EZH2: variants seen among roughly 807,000 people sequenced by gnomAD.
The protein encoded by EZH2 is enhancer of zeste 2 polycomb repressive complex 2 subunit, also known as histone-lysine N-methyltransferase EZH2.
A neutral mutation model predicts 98.4 loss-of-function variants in EZH2; 18 were observed. The ratio of observed to expected loss-of-function variants is 0.18; its 90% CI spans 0.13 to 0.27. EZH2 has a LOEUF of 0.27. EZH2 is among the 10% of genes least tolerant of loss of function. EZH2 has a pLI of 1.00. For missense variants in EZH2, 470 were observed against 935.1 expected, an observed-to-expected ratio of 0.50 and a Z score of 6.49; for synonymous variants, 338 against 312.3, an observed-to-expected ratio of 1.08 and a Z score of -0.87.
chr7:148,810,982 C>T (rs1180562762), intron 16 of EZH2, among the ~76,000 whole-genome samples: 1 of 150,722 alleles, frequency 6.6e-6, no homozygotes, highest in Non-Finnish European at 1.5e-5. Flanking sequence ...ACACTGTCGA[C>T]AATTTAAAAG....
chr7:148,829,501 A>G (rs1808710689), intron 5 of EZH2, among the ~76,000 whole-genome samples: 1 of 152,212 alleles, frequency 6.6e-6, no homozygotes. Context: ...ATAACCAACT[A>G]TGCATAATTA....
At chr7:148,880,432 C>T (rs1190008290) in intron 1 of EZH2, among the ~76,000 whole-genome samples, 3 of 152,168 alleles carry the variant, frequency 2.0e-5, no homozygotes, top group Admixed American at 6.5e-5. Flanking sequence ...CTCGCCCTTT[C>T]CCTTCCTTAT....
intron 1 of EZH2, chr7:148,883,505 T>C (rs1184349365): frequency 6.6e-6 from 1 of 151,246 alleles, no homozygotes; most frequent in African/African-American, 2.4e-5. Flanking sequence ...GCCGCGAACG[T>C]CGTCCCGCGA....
At chr7:148,879,627 T>A (rs1310769063) in intron 1 of EZH2, among the ~76,000 whole-genome samples, 1 of 151,788 alleles carries the variant, frequency 6.6e-6, no homozygotes, top group South Asian at 2.1e-4. Flanking sequence ...GAGGTGGAGG[T>A]TGCAGTGAGC....
At chr7:148,817,476 G>A (rs1263096822) in intron 10 of EZH2, 85 bp from the exon 11 acceptor site, 12 of 1,380,068 alleles carry the variant, frequency 8.7e-6, no homozygotes, top group Non-Finnish European at 1.1e-5. Flanking sequence ...TAAGAAAAAA[G>A]CGAAAAGATG....
At chr7:148,855,493 G>A (rs1816666541) in intron 1 of EZH2, among the ~76,000 whole-genome samples, 1 of 152,016 alleles carries the variant, frequency 6.6e-6, no homozygotes, top group African/African-American at 2.4e-5. Flanking sequence ...CTCTCCTCAT[G>A]AAAAAAGGCT....
intron 1 of EZH2, among the ~76,000 whole-genome samples, chr7:148,872,353 G>T (rs777126659): frequency 3.9e-5 from 6 of 152,204 alleles, no homozygotes; most frequent in Non-Finnish European, 5.9e-5. Context: ...GTGGGAATTA[G>T]TGCTCAATGG....
chr7:148,839,046 T>C (rs545864019), intron 3 of EZH2, among the ~76,000 whole-genome samples: 7 of 56,550 alleles, frequency 1.2e-4, no homozygotes, highest in African/African-American at 5.2e-4. Context: ...AGCAAAACTC[T>C]GTCAAATAAG....
Position 148,868,546 on chromosome 7 carries a change from C to A in EZH2, c.-8+15618G>T, listed in dbSNP as rs553756428. 1.4e-3 allele frequency among the ~76,000 whole-genome samples: 206 copies of A among 152,276 alleles called. 3 individuals carry two copies. Among genetic ancestry groups the A allele is most frequent in the Admixed American group, 2.3e-3 (35 of 15,288 alleles). ...AATCACTTCCCACCAGACCCCTCCT[C>A]CAACTTTGGGGATTACAATTTGACG... is the stretch of plus-strand genomic sequence containing the variant. On this transcript the variant is annotated intron_variant, in intron 1 of 19. Coordinates refer to ENST00000320356, the MANE Select transcript of EZH2 (RefSeq NM_004456.5).
chr7:148,828,901 G>A, intron 5 of EZH2, 21 bp from the exon 6 acceptor site: 2 of 1,586,118 alleles, frequency 1.3e-6, no homozygotes, highest in South Asian at 1.1e-5. Flanking sequence ...TCAAATGTCA[G>A]AAACACACAG....
intron 19 of EZH2, 78 bp downstream of exon 19, chr7:148,808,993 A>T: frequency 8.3e-7 from 1 of 1,203,874 alleles, no homozygotes; most frequent in Non-Finnish European, 1.2e-6. Flanking sequence ...CAAAGAACTA[A>T]AAACCCTCCT....
Position 148,862,529 on chromosome 7 carries a change from T to C in EZH2, c.-7-15224A>G, listed in dbSNP as rs181351509. Among the ~76,000 whole-genome samples the C allele has an allele frequency of 3.0e-3, 461 of 152,316 alleles. 2 individuals are homozygous for C. The highest frequency in any genetic ancestry group is 4.4e-3 in the Non-Finnish European group (298 of 68,024). On this transcript the variant is annotated intron_variant, in intron 1 of 19. Coordinates refer to ENST00000320356, the MANE Select transcript of EZH2 (RefSeq NM_004456.5). ...TGAAGTGACAGTCTCACTTCATTGA[T>C]TTAAAAAAAGTCTGCCAAATACCTA...
At chr7:148,878,956 AG>A (rs1820557461) in intron 1 of EZH2, among the ~76,000 whole-genome samples, 1 of 151,028 alleles carries the variant, frequency 6.6e-6, no homozygotes, top group Non-Finnish European at 1.5e-5. Context: ...CGTGCGCAGT[AG>A]CTCACGCCTG....
chr7:148,841,248 A>G (rs969374092), intron 3 of EZH2, among the ~76,000 whole-genome samples: 1 of 152,120 alleles, frequency 6.6e-6, no homozygotes, highest in African/African-American at 2.4e-5. Flanking sequence ...TCACAAGAAA[A>G]AAAAAATCCT....
intron 3 of EZH2, among the ~76,000 whole-genome samples, chr7:148,834,267 T>C (rs1018126496): frequency 1.3e-5 from 2 of 151,592 alleles, no homozygotes; most frequent in Non-Finnish European, 2.9e-5. Context: ...ATCCTAGACA[T>C]ACATTCATAA....
chr7:148,809,318 T>C lies in EZH2; in HGVS notation c.2102A>G (p.Tyr701Cys), dbSNP rs1480044679. The change falls in exon 18 of 20, where the codon TAT (tyrosine) becomes TGT (cysteine). Residue 701 changes from tyrosine (Y) to cysteine (C), a missense_variant. Physicochemically the swap from Tyr to Cys is radical, Grantham distance 194. Around this residue, in one of 6 missense-constraint regions of EZH2, gnomAD observed 106 missense variants for 327.2 expected, o/e 0.32. Coordinates refer to ENST00000320356, the MANE Select transcript of EZH2 (RefSeq NM_004456.5). ...ACGTCAAAGGTACCTACCTTTTGCA[T>C]AGCAGTTTGGATTTACCGAATGATT... The part of the protein sequence containing the change: ...FANHSVNPNC[Y>C]AKVMMVNGDH... 6.2e-7 allele frequency: 1 copy of C among 1,603,234 alleles called. No homozygotes were observed. Among genetic ancestry groups the C allele is most frequent in the East Asian group, 2.2e-5 (1 of 44,524 alleles).
chr7:148,807,727 T>C, intron 19 of EZH2, 21 bp from the exon 20 acceptor site: 3 of 1,569,182 alleles, frequency 1.9e-6, no homozygotes, highest in Non-Finnish European at 2.6e-6. Context: ...AGGAAGGAGA[T>C]GTCCGCTGGA....
intron 1 of EZH2, among the ~76,000 whole-genome samples, chr7:148,860,757 G>A (rs966450767): frequency 2.6e-5 from 4 of 151,990 alleles, no homozygotes; most frequent in African/African-American, 4.8e-5. Context: ...CTACAGCCTC[G>A]CCCTCCTGGG....
In EZH2 at chr7:148,818,021, T is replaced by C. The variant is rs1214137197; in HGVS notation, c.1096A>G (p.Asn366Asp). 1.2e-6 allele frequency: 2 copies of C among 1,614,122 alleles called. No homozygotes were observed. The highest frequency in any genetic ancestry group is 2.2e-5 in the East Asian group (1 of 44,880). Residue 366 changes from asparagine (N) to aspartate (D), a missense_variant, in exon 10 of 20, where the codon AAC (asparagine) becomes GAC (aspartate). Transcript: ENST00000320356. ...GTGGGGGTGCTGGGCCTGCTACTGTTATTGGGAAGCCGTCCTCTTCTGCGG... is the reference window on the plus strand; with the variant it reads ...GTGGGGGTGCTGGGCCTGCTACTGTCATTGGGAAGCCGTCCTCTTCTGCGG... ...GGRRRGRLPNNSSRPSTPTIN... is the reference protein window; with the variant it reads ...GGRRRGRLPNDSSRPSTPTIN...
Sources: gnomAD v4.1 joint callset for allele counts (sites outside exome capture counted in the v4.1 genomes callset) on GRCh38, gnomAD v4.1.1 for gene constraint, gnomAD v4.1.1 regional missense constraint, MANE v1.5 for transcripts, NCBI Gene and HGNC (gene_info 2026-07-23, HGNC 2026-07-21) for gene names.